The following MAML3 variants were observed in gnomAD, a reference collection of about 807,000 sequenced individuals.
MAML3 encodes mastermind like transcriptional coactivator 3.
MAML3 carries 27 observed loss-of-function variants against 101.9 expected under a neutral mutation model. The ratio of observed to expected loss-of-function variants is 0.27; its 90% confidence interval spans 0.20 to 0.37. The LOEUF is 0.37. Ranked by LOEUF, MAML3 falls within the 10% of genes least tolerant of loss-of-function variation. The probability of loss-of-function intolerance (pLI) is 1.00; values close to 1 mark genes in which losing one functional copy is unlikely to be tolerated. For synonymous variants in MAML3, 501 were observed against 555.9 expected, an observed-to-expected ratio of 0.90 and a Z score of 1.39; for missense variants, 1,316 against 1,444.9, an observed-to-expected ratio of 0.91 and a Z score of 1.45.
intron 1 of MAML3, among the ~76,000 whole-genome samples, chr4:140,126,857 T>C (rs1449744745): frequency 6.6e-6 from 1 of 152,196 alleles, no homozygotes; most frequent in Non-Finnish European, 1.5e-5. Flanking sequence ...ATCCCTGATT[T>C]CTCTCAGTCC....
chr4:139,875,641 C>T (rs1732101519), intron 2 of MAML3, among the ~76,000 whole-genome samples: 1 of 152,124 alleles, frequency 6.6e-6, no homozygotes, highest in Non-Finnish European at 1.5e-5. Flanking sequence ...CAGGGCTGCT[C>T]ACAAATGTTA....
intron 1 of MAML3, among the ~76,000 whole-genome samples, chr4:140,017,607 C>T (rs1412058838): frequency 2.0e-5 from 3 of 151,710 alleles, no homozygotes; most frequent in Admixed American, 2.0e-4. Flanking sequence ...TGGCATACTA[C>T]TCAGCAATAA....
At chr4:140,022,120 G>A (rs56369810) in intron 1 of MAML3, among the ~76,000 whole-genome samples, 39,604 of 151,974 alleles carry the variant, frequency 0.26, 6,243 homozygotes, top group Non-Finnish European at 0.36. Flanking sequence ...ATTCCAGCAA[G>A]TGAGTGTGAG....
At chr4:139,739,126 T>C (rs1176877617) in intron 2 of MAML3, among the ~76,000 whole-genome samples, 2 of 152,206 alleles carry the variant, frequency 1.3e-5, no homozygotes, top group South Asian at 2.1e-4. Context: ...AACTGACTAA[T>C]TGGCTGGGAT....
At chr4:140,068,059 T>G (rs1177948079) in intron 1 of MAML3, among the ~76,000 whole-genome samples, 1 of 152,134 alleles carries the variant, frequency 6.6e-6, no homozygotes, top group East Asian at 1.9e-4. Context: ...CTGCTTTTTG[T>G]GAACAGAAAG....
intron 2 of MAML3, among the ~76,000 whole-genome samples, chr4:139,773,281 T>C (rs1397895597): frequency 6.6e-6 from 1 of 152,146 alleles, no homozygotes; most frequent in Non-Finnish European, 1.5e-5. Context: ...GTCCCAAGCA[T>C]CCTGTTATCT....
chr4:140,090,327 A>G (rs1025836370), intron 1 of MAML3, among the ~76,000 whole-genome samples: 3 of 152,218 alleles, frequency 2.0e-5, no homozygotes, highest in Admixed American at 1.3e-4. Context: ...TGTGGCCTTC[A>G]TGGAATGTTA....
chr4:139,874,379 A>C (rs1732068981), intron 2 of MAML3, among the ~76,000 whole-genome samples: 1 of 152,208 alleles, frequency 6.6e-6, no homozygotes, highest in African/African-American at 2.4e-5. Context: ...CAATCTTGTC[A>C]GAGCCAAGAT....
intron 1 of MAML3, among the ~76,000 whole-genome samples, chr4:139,934,578 G>A (rs919767440): frequency 1.3e-5 from 2 of 152,104 alleles, no homozygotes; most frequent in African/African-American, 4.8e-5. Context: ...GGGCGTCCAC[G>A]GGGCTCTTCG....
chr4:139,969,831 G>A (rs1374775675), intron 1 of MAML3, among the ~76,000 whole-genome samples: 1 of 152,112 alleles, frequency 6.6e-6, no homozygotes, highest in African/African-American at 2.4e-5. Flanking sequence ...CTATACCGGC[G>A]ATTCCGCACC....
At chr4:140,045,318 C>A (rs112091404) in intron 1 of MAML3, among the ~76,000 whole-genome samples, 4,642 of 150,538 alleles carry the variant, frequency 0.031, 210 homozygotes, top group African/African-American at 0.11. Context: ...TCGCTTGAAT[C>A]CATGAGGTGG....
intron 1 of MAML3, among the ~76,000 whole-genome samples, chr4:139,992,521 GTCTT>G (rs1272709670): frequency 1.3e-5 from 2 of 152,068 alleles, no homozygotes; most frequent in African/African-American, 2.4e-5. Context: ...GTTATTGTGT[GTCTT>G]TTTTTGTTTT....
chr4:139,886,524 T>C (rs1732341731), intron 2 of MAML3, among the ~76,000 whole-genome samples: 1 of 152,162 alleles, frequency 6.6e-6, no homozygotes, highest in Admixed American at 6.5e-5. Context: ...TTATTCAGTA[T>C]TTTTCTACAC....
chr4:139,748,053 TAAAAAAAAAA>T (rs34801574), intron 2 of MAML3, among the ~76,000 whole-genome samples: 4 of 95,536 alleles, frequency 4.2e-5, no homozygotes, highest in East Asian at 3.0e-4. Flanking sequence ...AGACTTCGTC[TAAAAAAAAAA>T]AAAAAAAAAA....
rs1247548179 is a variant in MAML3 at position 139,889,683 on chromosome 4, A to C, written c.1753T>G (p.Leu585Val). ...MNMINQQPNN[L>V]GTNSLNKQHN... ...TGTTTGTTTAAGGAGTTTGTACCCAAGTTATTTGGCTGCTGATTGATCATA... is the reference window on the plus strand; with the variant it reads ...TGTTTGTTTAAGGAGTTTGTACCCACGTTATTTGGCTGCTGATTGATCATA... Residue 585 changes from leucine (L) to valine (V), a missense_variant, in exon 2 of 5, where the codon TTG (leucine) becomes GTG (valine). Transcript: ENST00000509479. The C allele has an allele frequency of 3.1e-6, 5 of 1,613,950 alleles. No individual in the cohort carries two copies. Among genetic ancestry groups the C allele is most frequent in the Non-Finnish European group, 4.2e-6 (5 of 1,179,882 alleles).
At position 140,013,817 on chromosome 4, in the gene MAML3, T is replaced by C. The variant is rs536237328; in HGVS notation, c.469-122850A>G. 2.0e-5 allele frequency among the ~76,000 whole-genome samples: 3 copies of C among 152,356 alleles called. No homozygotes were observed. In the South Asian group the frequency reaches 6.2e-4, roughly 32 times the overall value. On this transcript the variant is annotated intron_variant, in intron 1 of 4. Coordinates refer to ENST00000509479, the MANE Select transcript of MAML3 (RefSeq NM_018717.5). Reference sequence around the variant, plus strand: ...TCATTACTTGAGGACAAGCACTGTGTTTTGGGTACCTAGGTGCCTCTCCAC... The same window carrying C: ...TCATTACTTGAGGACAAGCACTGTGCTTTGGGTACCTAGGTGCCTCTCCAC...
chr4:139,729,980 T>C (rs1002718315), intron 3 of MAML3, among the ~76,000 whole-genome samples: 1 of 152,232 alleles, frequency 6.6e-6, no homozygotes, highest in African/African-American at 2.4e-5. Flanking sequence ...TTCTATAGAA[T>C]TCTTCTCAAT....
In MAML3 at chr4:140,145,871, C is replaced by CT. The variant is rs1320602930; in HGVS notation, c.468+6988dup. On this transcript the variant is annotated intron_variant, in intron 1 of 4. Coordinates refer to ENST00000509479, the MANE Select transcript of MAML3 (RefSeq NM_018717.5). ...AGCCACTGCGCCTGGCCTTTTTTTTCTTTTTTCTTTTTTTTTTTTGAGAAG... is the reference window on the plus strand; with the variant it reads ...AGCCACTGCGCCTGGCCTTTTTTTTCTTTTTTTCTTTTTTTTTTTTGAGAAG... Among the ~76,000 whole-genome samples, 19 of 32,690 alleles carry CT rather than the reference C, an allele frequency of 5.8e-4. No homozygotes were observed. In the South Asian group the frequency reaches 9.4e-3, roughly 16 times the overall value. The allele number at this position is 32,690 out of a possible 152,430, so 21.4% of individuals were successfully genotyped here.
intron 1 of MAML3, among the ~76,000 whole-genome samples, chr4:139,963,575 T>C (rs972069395): frequency 6.6e-6 from 1 of 152,212 alleles, no homozygotes; most frequent in African/African-American, 2.4e-5. Context: ...TAATACCTTG[T>C]GTCAAATTTT....
Sources: allele counts gnomAD v4.1 joint callset (sites outside exome capture counted in the v4.1 genomes callset), GRCh38; gene constraint gnomAD v4.1.1; transcripts MANE v1.5; gene names NCBI Gene and HGNC (gene_info 2026-07-23, HGNC 2026-07-21).